The following ST18 variants were observed in gnomAD, a reference collection of about 807,000 sequenced individuals.
ST18 encodes ST18 C2H2C-type zinc finger transcription factor, also known as suppression of tumorigenicity 18 protein.
ST18 carries 50 observed loss-of-function variants against 110.0 expected under a neutral mutation model. That is an observed-to-expected ratio of 0.45 (90% confidence interval 0.36 to 0.58). The LOEUF is 0.58. ST18 is among the 20% of genes least tolerant of loss of function. The probability of loss-of-function intolerance (pLI) is 0.00; values close to 1 mark genes in which losing one functional copy is unlikely to be tolerated. For missense variants in ST18, 1,306 were observed against 1,280.1 expected (o/e 1.02, Z -0.31); for synonymous variants, 461 against 452.4 (o/e 1.02, Z -0.24).
intron 2 of ST18, among the ~76,000 whole-genome samples, chr8:52,269,605 A>G (rs186026299): frequency 9.2e-5 from 14 of 152,128 alleles, no homozygotes; most frequent in African/African-American, 3.4e-4. Context: ...GTGCATTATG[A>G]GCTGTTTGGA....
At chr8:52,151,655 A>T (rs1048152761) in intron 15 of ST18, among the ~76,000 whole-genome samples, 5 of 152,228 alleles carry the variant, frequency 3.3e-5, no homozygotes, top group Non-Finnish European at 7.3e-5. Context: ...CCAGGAGCGC[A>T]TCAAAACAAT....
chr8:52,218,646 C>T lies in ST18; in HGVS notation c.-156-745G>A, dbSNP rs543566596. 1.4e-4 allele frequency among the ~76,000 whole-genome samples: 21 copies of T among 151,130 alleles called. No individual in the cohort carries two copies. In the South Asian group the frequency reaches 3.4e-3, roughly 24 times the overall value. Reference sequence around the variant, plus strand: ...AACTCCTGACCTCAGGTGATCCACCCGCCTTGGCCTCCCAAAGTGCTGGGA... The same window carrying T: ...AACTCCTGACCTCAGGTGATCCACCTGCCTTGGCCTCCCAAAGTGCTGGGA... On this transcript the variant is annotated intron_variant, in intron 5 of 25. Coordinates refer to ENST00000689386, the MANE Select transcript of ST18 (RefSeq NM_001352837.2).
intron 2 of ST18, among the ~76,000 whole-genome samples, chr8:52,304,716 G>A (rs6986200): frequency 0.34 from 51,137 of 151,968 alleles, 8,746 homozygotes; most frequent in Middle Eastern, 0.49. Flanking sequence ...ACAGAAATTT[G>A]TTTTTCACAG....
chr8:52,329,042 A>T (rs1302114900), intron 2 of ST18, among the ~76,000 whole-genome samples: 1 of 152,120 alleles, frequency 6.6e-6, no homozygotes. Context: ...ATTTCAGTTC[A>T]TTTTAAAATT....
chr8:52,361,788 C>A (rs1007219191), intron 2 of ST18, among the ~76,000 whole-genome samples: 1 of 152,150 alleles, frequency 6.6e-6, no homozygotes, highest in African/African-American at 2.4e-5. Context: ...TGGGATCATG[C>A]TGAGAGGTAG....
intron 5 of ST18, among the ~76,000 whole-genome samples, chr8:52,219,732 A>G (rs889267082): frequency 6.6e-6 from 1 of 152,300 alleles, no homozygotes; most frequent in East Asian, 1.9e-4. Flanking sequence ...TTCCCCCCAG[A>G]AGAGATGATT....
At chr8:52,408,781 G>C (rs1845423881) in intron 2 of ST18, among the ~76,000 whole-genome samples, 1 of 152,162 alleles carries the variant, frequency 6.6e-6, no homozygotes, top group Non-Finnish European at 1.5e-5. Context: ...TGATTCCTCA[G>C]TGCCTGTATT....
intron 2 of ST18, among the ~76,000 whole-genome samples, chr8:52,317,688 T>C (rs1442676836): frequency 1.3e-5 from 2 of 151,546 alleles, no homozygotes; most frequent in South Asian, 2.1e-4. Flanking sequence ...AAATGCAGTT[T>C]GTTTGTGTTT....
At chr8:52,228,424 G>A (rs2090239515) in intron 3 of ST18, among the ~76,000 whole-genome samples, 1 of 152,150 alleles carries the variant, frequency 6.6e-6, no homozygotes, top group Non-Finnish European at 1.5e-5. Flanking sequence ...AGAATGTCCT[G>A]ACTGTTGTGC....
chr8:52,280,102 G>T (rs1265487369), intron 2 of ST18, among the ~76,000 whole-genome samples: 1 of 151,848 alleles, frequency 6.6e-6, no homozygotes, highest in Non-Finnish European at 1.5e-5. Context: ...AGAAGGTGTT[G>T]GTTAATTTTA....
rs780556522 is a variant in ST18, at chr8:52,172,297, G to A, written c.564C>T (p.Ser188=). Residue 188 remains serine (S), a synonymous_variant, in exon 10 of 26, where the codon TCC becomes TCT. Transcript: ENST00000689386. ...CAGAGTTACTTTCATTGTCATCAGA[G>A]GAGCAGAAGGGTGGCTGAGAATCAT... ...KIDDSQPPFC[S]SDDNESNSES... 1.2e-6 allele frequency: 2 copies of A among 1,614,052 alleles called. No individual in the cohort carries two copies. The highest frequency in any genetic ancestry group is 4.5e-5 in the East Asian group (2 of 44,886).
intron 3 of ST18, among the ~76,000 whole-genome samples, chr8:52,225,814 T>G (rs2089160544): frequency 6.6e-6 from 1 of 152,220 alleles, no homozygotes; most frequent in Non-Finnish European, 1.5e-5. Context: ...CAGTGAGTGC[T>G]GATAAATATA....
At chr8:52,186,753 G>A (rs933117715) in intron 8 of ST18, among the ~76,000 whole-genome samples, 1 of 152,128 alleles carries the variant, frequency 6.6e-6, no homozygotes, top group Non-Finnish European at 1.5e-5. Context: ...CAAATAACAC[G>A]GATGAATCCG....
chr8:52,127,660 A>T (rs1378070468), intron 22 of ST18, among the ~76,000 whole-genome samples: 1 of 152,206 alleles, frequency 6.6e-6, no homozygotes, highest in Non-Finnish European at 1.5e-5. Flanking sequence ...AGTGTTGTGG[A>T]AAAGTTAATG....
At position 52,133,148 on chromosome 8, in the gene ST18, G is replaced by C; in HGVS notation, c.2364-11C>G. ...GGGCATCCGGACAAGCTGAAATAGG[G>C]ACCCGACAAAGAACAAAGCAAAATT... On this transcript the variant is annotated splice_polypyrimidine_tract_variant and intron_variant, in intron 20 of 25. Transcript: ENST00000689386. 1 of 1,614,136 alleles carries C rather than the reference G, an allele frequency of 6.2e-7. No individual in the cohort carries two copies. The highest frequency in any genetic ancestry group is 8.5e-7 in the Non-Finnish European group (1 of 1,180,028).
chr8:52,282,582 G>A (rs2095402460), intron 2 of ST18, among the ~76,000 whole-genome samples: 1 of 152,102 alleles, frequency 6.6e-6, no homozygotes, highest in South Asian at 2.1e-4. Context: ...GGACCTCCCT[G>A]GCACCCCTGG....
At chr8:52,363,956 T>C (rs769321504) in intron 2 of ST18, among the ~76,000 whole-genome samples, 13 of 152,212 alleles carry the variant, frequency 8.5e-5, no homozygotes, top group African/African-American at 2.9e-4. Flanking sequence ...CAAAAGTCAA[T>C]GGCTCAATCA....
At chr8:52,203,567 AATTT>A (rs2078799837) in intron 8 of ST18, among the ~76,000 whole-genome samples, 1 of 152,192 alleles carries the variant, frequency 6.6e-6, no homozygotes, top group Non-Finnish European at 1.5e-5. Flanking sequence ...GCAGGAAAAA[AATTT>A]ATGAGGTGTC....
intron 21 of ST18, 91 bp downstream of exon 21, chr8:52,132,966 T>C: frequency 7.1e-7 from 1 of 1,412,270 alleles, no homozygotes; most frequent in Non-Finnish European, 9.9e-7. Context: ...TCCCTGAAAC[T>C]CAATCCGTGT....
Sources: allele counts gnomAD v4.1 joint callset (sites outside exome capture counted in the v4.1 genomes callset), GRCh38; gene constraint gnomAD v4.1.1; transcripts MANE v1.5; gene names NCBI Gene and HGNC (gene_info 2026-07-23, HGNC 2026-07-21).